The following ZNF385B variants were observed in gnomAD, a reference collection of about 807,000 sequenced individuals.
The protein encoded by ZNF385B is zinc finger protein 533.
ZNF385B carries 23 observed loss-of-function variants against 39.2 expected under a neutral mutation model. The ratio of observed to expected loss-of-function variants is 0.59; its 90% CI spans 0.42 to 0.83. The LOEUF (loss-of-function observed/expected upper bound fraction) is 0.83. ZNF385B is among the 40% of genes least tolerant of loss of function. The probability of loss-of-function intolerance (pLI) is 0.00; values close to 1 mark genes in which losing one functional copy is unlikely to be tolerated. For missense variants in ZNF385B, 552 were observed against 598.9 expected (o/e 0.92, Z 0.82); for synonymous variants, 205 against 222.6 (o/e 0.92, Z 0.70).
In ZNF385B at chr2:179,818,616, T is replaced by C. The variant is rs1195390589; in HGVS notation, c.-155+42485A>G. On this transcript the variant is annotated intron_variant, in intron 1 of 9. Transcript: ENST00000410066. The stretch of plus-strand genomic sequence containing the variant: ...AACATTGCAAGAAACGTTTCAGCTT[T>C]CAAAACTAAGTACCACGAAGCACTG... Among the ~76,000 whole-genome samples, 27 of 152,186 alleles carry C rather than the reference T, an allele frequency of 1.8e-4. 1 individual carries two copies. Among genetic ancestry groups the C allele is most frequent in the Non-Finnish European group, 2.9e-5 (2 of 68,034 alleles).
chr2:179,451,886 G>A (rs1046930809), intron 6 of ZNF385B, among the ~76,000 whole-genome samples: 4 of 151,980 alleles, frequency 2.6e-5, no homozygotes, highest in South Asian at 2.1e-4. Context: ...AAGCCTCTTC[G>A]TGTATTTGAA....
chr2:179,705,135 C>T (rs1341894052), intron 3 of ZNF385B, among the ~76,000 whole-genome samples: 1 of 152,126 alleles, frequency 6.6e-6, no homozygotes, highest in Non-Finnish European at 1.5e-5. Flanking sequence ...TCCTCCATCT[C>T]TGCCCTTAAG....
At chr2:179,542,157 G>A (rs1033842977) in intron 4 of ZNF385B, among the ~76,000 whole-genome samples, 2 of 152,164 alleles carry the variant, frequency 1.3e-5, no homozygotes, top group Non-Finnish European at 2.9e-5. Context: ...TATTGGGTGA[G>A]TTGGACACTA....
intron 3 of ZNF385B, among the ~76,000 whole-genome samples, chr2:179,728,138 A>G (rs1411291583): frequency 6.6e-6 from 1 of 152,110 alleles, no homozygotes; most frequent in African/African-American, 2.4e-5. Context: ...TAAAATGCAT[A>G]TGATTAAACC....
chr2:179,445,285 C>T (rs1337775741), intron 8 of ZNF385B, among the ~76,000 whole-genome samples: 2 of 152,162 alleles, frequency 1.3e-5, no homozygotes, highest in Non-Finnish European at 2.9e-5. Flanking sequence ...ACCAGAAGCT[C>T]CTGCTCAACT....
intron 3 of ZNF385B, among the ~76,000 whole-genome samples, chr2:179,652,925 GA>G (rs1010606480): frequency 4.0e-4 from 61 of 150,792 alleles, no homozygotes; most frequent in South Asian, 1.3e-3. Context: ...TTTAGGCAGG[GA>G]AAAAAAAATT....
intron 1 of ZNF385B, among the ~76,000 whole-genome samples, chr2:179,856,314 CAGA>C (rs1343141205): frequency 6.6e-6 from 1 of 152,094 alleles, no homozygotes; most frequent in African/African-American, 2.4e-5. Flanking sequence ...CCGGGATCAT[CAGA>C]AGATTTTTGT....
At position 179,488,267 on chromosome 2, in the gene ZNF385B, C is replaced by A. The variant is rs144082419; in HGVS notation, c.553-4833G>T. Among the ~76,000 whole-genome samples the A allele has an allele frequency of 3.9e-3, 600 of 152,268 alleles. 4 individuals carry two copies. Among genetic ancestry groups the A allele is most frequent in the African/African-American group, 0.014 (568 of 41,532 alleles). ...TCAAGTGATTCCCCTGCTTCAGCCT[C>A]CTGAGTAGCTGGGACTACAGGCATG... is the stretch of plus-strand genomic sequence containing the variant. On this transcript the variant is annotated intron_variant, in intron 5 of 9. Coordinates refer to ENST00000410066, the MANE Select transcript of ZNF385B (RefSeq NM_152520.6).
chr2:179,780,172 G>GACTTTACCCTGCCACCAACAA (rs1423486480), intron 1 of ZNF385B, among the ~76,000 whole-genome samples: 1 of 152,160 alleles, frequency 6.6e-6, no homozygotes, highest in East Asian at 1.9e-4. Context: ...GCCACCAACA[G>GACTTTACCCTGCCACCAACAA]ACTTTACCCT....
chr2:179,594,470 T>C (rs532668938), intron 3 of ZNF385B, among the ~76,000 whole-genome samples: 1 of 152,322 alleles, frequency 6.6e-6, no homozygotes, highest in South Asian at 2.1e-4. Context: ...TCACCACTAC[T>C]GATTTCTACT....
intron 1 of ZNF385B, among the ~76,000 whole-genome samples, chr2:179,855,309 A>G (rs1684504796): frequency 1.3e-5 from 2 of 152,244 alleles, no homozygotes; most frequent in Non-Finnish European, 2.9e-5. Context: ...TTCCCATTAT[A>G]AACTCAGAAA....
chr2:179,450,187 C>G (rs2105575559), intron 6 of ZNF385B, among the ~76,000 whole-genome samples: 1 of 152,034 alleles, frequency 6.6e-6, no homozygotes, highest in African/African-American at 2.4e-5. Context: ...AGGACATAGG[C>G]ATGGGCAAGG....
At chr2:179,815,267 G>C (rs185134688) in intron 1 of ZNF385B, among the ~76,000 whole-genome samples, 4 of 152,312 alleles carry the variant, frequency 2.6e-5, no homozygotes, top group Non-Finnish European at 5.9e-5. Context: ...TCTTTCATTT[G>C]ATACCTGTGA....
intron 3 of ZNF385B, among the ~76,000 whole-genome samples, chr2:179,761,761 C>CT (rs34325728): frequency 0.075 from 8,274 of 110,328 alleles, 350 homozygotes; most frequent in Admixed American, 0.18. Context: ...TTTTTCTTTT[C>CT]TTTTTTTTTT....
chr2:179,663,657 C>A (rs1694766574), intron 3 of ZNF385B, among the ~76,000 whole-genome samples: 2 of 143,560 alleles, frequency 1.4e-5, no homozygotes, highest in Admixed American at 1.5e-4. Context: ...TTGCAGTGAG[C>A]CGAGATCGCG....
intron 1 of ZNF385B, among the ~76,000 whole-genome samples, chr2:179,779,363 C>A (rs1360921520): frequency 6.6e-6 from 1 of 152,148 alleles, no homozygotes; most frequent in African/African-American, 2.4e-5. Context: ...GAGAGCAGGG[C>A]AGAATGAGAT....
At chr2:179,563,150 G>T (rs1684135246) in intron 3 of ZNF385B, among the ~76,000 whole-genome samples, 1 of 152,096 alleles carries the variant, frequency 6.6e-6, no homozygotes, top group African/African-American at 2.4e-5. Context: ...GTTATATAGG[G>T]TATTATGGTA....
intron 8 of ZNF385B, 74 bp from the exon 9 acceptor site, chr2:179,445,051 A>G (rs1333507780): frequency 3.1e-6 from 4 of 1,288,044 alleles, no homozygotes; most frequent in South Asian, 2.4e-5. Flanking sequence ...CTAGGTAGCT[A>G]TTTTCTCCAT....
At chr2:179,692,235 C>G (rs1416431656) in intron 3 of ZNF385B, among the ~76,000 whole-genome samples, 2 of 152,122 alleles carry the variant, frequency 1.3e-5, no homozygotes, top group African/African-American at 2.4e-5. Context: ...CTCTGCTCCC[C>G]ACTTGCTGAG....
Sources: gnomAD v4.1 joint callset for allele counts (sites outside exome capture counted in the v4.1 genomes callset) on GRCh38, gnomAD v4.1.1 for gene constraint, MANE v1.5 for transcripts, NCBI Gene and HGNC (gene_info 2026-07-23, HGNC 2026-07-21) for gene names.